Variants in B3GLCT observed in about 807,000 individuals in gnomAD.
B3GLCT encodes the protein beta-1,3-glucosyltransferase.
Under a neutral mutation model 63.4 loss-of-function variants are expected in B3GLCT, and 65 were observed. The ratio of observed to expected loss-of-function variants is 1.03; its 90% CI spans 0.84 to 1.26. The LOEUF is 1.26. Among genes scored for constraint, B3GLCT ranks in the 50% most tolerant of loss-of-function variants. The probability of loss-of-function intolerance (pLI) is 0.00; values close to 1 mark genes in which losing one functional copy is unlikely to be tolerated. For missense variants in B3GLCT, 577 were observed against 604.8 expected (o/e 0.95, Z 0.48); for synonymous variants, 233 against 219.2 (o/e 1.06, Z -0.55).
At chr13:31,273,388 C>A (rs955010200) in intron 8 of B3GLCT, among the ~76,000 whole-genome samples, 3 of 152,232 alleles carry the variant, frequency 2.0e-5, no homozygotes, top group Non-Finnish European at 2.9e-5. Context: ...GCCACCACGC[C>A]CAGCCTCAGT....
chr13:31,296,972 C>G (rs1835746449), intron 12 of B3GLCT, among the ~76,000 whole-genome samples: 1 of 151,734 alleles, frequency 6.6e-6, no homozygotes, highest in Non-Finnish European at 1.5e-5. Context: ...TTTTCTGCCT[C>G]TATGATTTTG....
chr13:31,279,140 G>A (rs1283871059), intron 10 of B3GLCT, among the ~76,000 whole-genome samples: 1 of 152,110 alleles, frequency 6.6e-6, no homozygotes, highest in Non-Finnish European at 1.5e-5. Context: ...GTGAAAGTAG[G>A]CTTTCCATTT....
rs78044150 is a variant in B3GLCT, at chr13:31,214,388, A to G, written c.71-663A>G. Among the ~76,000 whole-genome samples, 979 of 152,266 alleles carry G rather than the reference A, an allele frequency of 6.4e-3. 12 individuals are homozygous for G. The highest frequency in any genetic ancestry group is 0.023 in the African/African-American group (948 of 41,542). ...CTGTCATGTTGTTGTTATTATTTTT[A>G]ATGCAGAGCCTAAATGTGGCTCTAG... On this transcript the variant is annotated intron_variant, in intron 1 of 14. Coordinates refer to ENST00000343307, the MANE Select transcript of B3GLCT (RefSeq NM_194318.4).
At chr13:31,295,268 T>C (rs888321902) in intron 12 of B3GLCT, among the ~76,000 whole-genome samples, 1 of 152,068 alleles carries the variant, frequency 6.6e-6, no homozygotes, top group Non-Finnish European at 1.5e-5. Context: ...CTGGGAGGTG[T>C]CTCCCAGTCA....
intron 6 of B3GLCT, among the ~76,000 whole-genome samples, chr13:31,248,786 G>A (rs1379624242): frequency 1.3e-5 from 2 of 152,230 alleles, no homozygotes; most frequent in Non-Finnish European, 2.9e-5. Flanking sequence ...CTAGCCCTTA[G>A]CAGAGTGTTT....
rs138071546 is a variant in B3GLCT, at chr13:31,315,688, T to C, written c.1065-1878T>C. 5.5e-3 allele frequency among the ~76,000 whole-genome samples: 838 copies of C among 152,336 alleles called. 12 individuals carry two copies. Among genetic ancestry groups the C allele is most frequent in the African/African-American group, 0.019 (805 of 41,580 alleles). Reference sequence around the variant, plus strand: ...AATTCAAGCCAGCTGCAGAAATTTGTGTAAGTAACAAGGAGCTGAATGTTC... The same window carrying C: ...AATTCAAGCCAGCTGCAGAAATTTGCGTAAGTAACAAGGAGCTGAATGTTC... On this transcript the variant is annotated intron_variant, in intron 12 of 14. Coordinates refer to ENST00000343307, the MANE Select transcript of B3GLCT (RefSeq NM_194318.4).
chr13:31,243,504 A>G (rs1325043280), intron 4 of B3GLCT, among the ~76,000 whole-genome samples: 6 of 152,314 alleles, frequency 3.9e-5, no homozygotes, highest in East Asian at 1.9e-4. Context: ...CATTCATACT[A>G]TTAATATTTC....
intron 10 of B3GLCT, among the ~76,000 whole-genome samples, chr13:31,279,289 A>AT (rs910403144): frequency 1.1e-4 from 17 of 151,284 alleles, no homozygotes; most frequent in Admixed American, 4.0e-4. Context: ...GGGGTGTTGG[A>AT]TTTTTTTTTC....
chr13:31,246,579 C>A (rs1397534775), intron 4 of B3GLCT, among the ~76,000 whole-genome samples: 1 of 152,140 alleles, frequency 6.6e-6, no homozygotes, highest in Admixed American at 6.5e-5. Flanking sequence ...ATATTGTATC[C>A]TCTAGTTTAG....
intron 6 of B3GLCT, among the ~76,000 whole-genome samples, chr13:31,255,150 A>G (rs936630797): frequency 1.3e-5 from 2 of 152,176 alleles, no homozygotes; most frequent in African/African-American, 4.8e-5. Context: ...AAGCGTTCCT[A>G]TACACCAATA....
intron 12 of B3GLCT, among the ~76,000 whole-genome samples, chr13:31,288,911 A>G (rs1341071462): frequency 2.0e-5 from 3 of 152,162 alleles, no homozygotes. Flanking sequence ...GAATTCCTGA[A>G]ATAACAGATA....
At chr13:31,304,020 A>G (rs1874317564) in intron 12 of B3GLCT, among the ~76,000 whole-genome samples, 1 of 66,684 alleles carries the variant, frequency 1.5e-5, no homozygotes, top group Non-Finnish European at 2.7e-5. Flanking sequence ...GGGGGCCAAT[A>G]TTGAACATTC....
chr13:31,270,994 C>G lies in B3GLCT; in HGVS notation c.660+1717C>G, dbSNP rs1415245080. 2.6e-5 allele frequency among the ~76,000 whole-genome samples: 4 copies of G among 152,314 alleles called. No individual in the cohort carries two copies. The East Asian group carries it at 5.8e-4, about 22-fold the overall frequency. On this transcript the variant is annotated intron_variant, in intron 8 of 14. Coordinates refer to ENST00000343307, the MANE Select transcript of B3GLCT (RefSeq NM_194318.4). ...TAAAATGAATACCAGGGCCCCTACA[C>G]ACGAGTTGAAGAGGACTCTCCTCCC...
At chr13:31,210,859 C>T (rs548379557) in intron 1 of B3GLCT, among the ~76,000 whole-genome samples, 76 of 152,238 alleles carry the variant, frequency 5.0e-4, no homozygotes, top group African/African-American at 1.8e-3. Flanking sequence ...GTCCTCCCAC[C>T]TCAGCCTCCC....
chr13:31,267,087 C>G (rs1458502845), intron 7 of B3GLCT, among the ~76,000 whole-genome samples: 2 of 152,206 alleles, frequency 1.3e-5, no homozygotes, highest in African/African-American at 4.8e-5. Flanking sequence ...GTGGTTTTCA[C>G]TTTTTCCCCT....
intron 6 of B3GLCT, among the ~76,000 whole-genome samples, chr13:31,256,246 C>T (rs1192211020): frequency 1.3e-5 from 2 of 152,142 alleles, no homozygotes; most frequent in Admixed American, 6.5e-5. Flanking sequence ...CATCTCATGC[C>T]AGTTAGAATG....
intron 12 of B3GLCT, among the ~76,000 whole-genome samples, chr13:31,314,222 C>A (rs1566094889): frequency 2.0e-5 from 3 of 152,136 alleles, no homozygotes; most frequent in Non-Finnish European, 4.4e-5. Flanking sequence ...ACTGGGGCAC[C>A]ACCTAGTGGA....
intron 7 of B3GLCT, among the ~76,000 whole-genome samples, chr13:31,262,644 A>T (rs11147460): frequency 0.39 from 59,594 of 152,010 alleles, 12,378 homozygotes; most frequent in Non-Finnish European, 0.47. Flanking sequence ...CAGGACATTC[A>T]TTTCCTGCAG....
intron 1 of B3GLCT, among the ~76,000 whole-genome samples, chr13:31,212,328 G>A (rs1301581268): frequency 6.9e-6 from 1 of 145,886 alleles, no homozygotes; most frequent in Non-Finnish European, 1.5e-5. Context: ...AGGCTGGAGT[G>A]CAGTGGCATG....
Sources: allele counts gnomAD v4.1 joint callset (sites outside exome capture counted in the v4.1 genomes callset), GRCh38; gene constraint gnomAD v4.1.1; transcripts MANE v1.5; gene names NCBI Gene and HGNC (gene_info 2026-07-23, HGNC 2026-07-21).